The following SLCO6A1 variants were observed in gnomAD, a reference collection of about 807,000 sequenced individuals.
The protein encoded by SLCO6A1 is cancer/testis antigen 48.
Under a neutral mutation model 72.7 loss-of-function variants are expected in SLCO6A1, and 65 were observed. The observed-to-expected ratio is 0.89, with a 90% CI of 0.73 to 1.10. SLCO6A1 has a LOEUF of 1.10. Among genes scored for constraint, SLCO6A1 ranks in the 50% least tolerant of loss-of-function variants. The pLI is 0.00. For synonymous variants in SLCO6A1, 314 were observed against 298.2 expected (o/e 1.05, Z -0.55); for missense variants, 874 against 872.6 (o/e 1.00, Z -0.02).
chr5:102,374,731 T>C (rs1745685443), intron 12 of SLCO6A1, among the ~76,000 whole-genome samples: 1 of 152,152 alleles, frequency 6.6e-6, no homozygotes, highest in African/African-American at 2.4e-5. Flanking sequence ...CATTAAACAA[T>C]TGTAACATAG....
In SLCO6A1 at chr5:102,443,128, C is replaced by T. The variant is rs142703214; in HGVS notation, c.1132-4367G>A. On this transcript the variant is annotated intron_variant, in intron 6 of 13. Transcript: ENST00000506729. ...AGGAGAATGGCGTGAACCTGGAAGGCGGAGCTTGCAATGAGCTGAGATGGC... is the reference window on the plus strand; with the variant it reads ...AGGAGAATGGCGTGAACCTGGAAGGTGGAGCTTGCAATGAGCTGAGATGGC... 5.5e-3 allele frequency among the ~76,000 whole-genome samples: 835 copies of T among 152,100 alleles called. 3 individuals are homozygous for T. Among genetic ancestry groups the T allele is most frequent in the African/African-American group, 0.019 (800 of 41,498 alleles).
chr5:102,475,791 T>C lies in SLCO6A1; in HGVS notation c.805A>G (p.Ile269Val). 6.3e-7 allele frequency: 1 copy of C among 1,599,304 alleles called. No individual in the cohort carries two copies. The highest frequency in any genetic ancestry group is 8.5e-7 in the Non-Finnish European group (1 of 1,172,418). ...CCAATCATTGATGTACATTCTGCAA[T>C]ACCTGTAAAATAAGCACTGAAACTG... is the stretch of plus-strand genomic sequence containing the variant. Reference protein sequence around the residue: ...ATHSAGIYLGIAECTSMIGYA... With the variant: ...ATHSAGIYLGVAECTSMIGYA... Residue 269 changes from isoleucine (I) to valine (V), a missense_variant and splice_region_variant, in exon 4 of 14, where the codon ATT becomes GTT. Ile to Val is a conservative substitution (Grantham distance 29). Transcript: ENST00000506729.
intron 8 of SLCO6A1, among the ~76,000 whole-genome samples, chr5:102,415,457 G>A (rs1748230209): frequency 6.6e-6 from 1 of 152,058 alleles, no homozygotes; most frequent in Non-Finnish European, 1.5e-5. Context: ...TACATTTAGA[G>A]AAAGGACACC....
intron 6 of SLCO6A1, among the ~76,000 whole-genome samples, chr5:102,442,265 T>C (rs1749874455): frequency 6.6e-6 from 1 of 152,194 alleles, no homozygotes; most frequent in Admixed American, 6.5e-5. Flanking sequence ...CTTATTCTTA[T>C]GCTCTTAGCC....
intron 9 of SLCO6A1, among the ~76,000 whole-genome samples, chr5:102,399,944 C>CTG (rs34032591): frequency 0.015 from 2,298 of 149,948 alleles, 18 homozygotes; most frequent in African/African-American, 0.021. Flanking sequence ...GGCAAAAAAT[C>CTG]TGTGTGTGTG....
chr5:102,390,086 C>T (rs188122357), intron 11 of SLCO6A1, among the ~76,000 whole-genome samples: 1 of 152,174 alleles, frequency 6.6e-6, no homozygotes, highest in Admixed American at 6.5e-5. Flanking sequence ...CTATCATATG[C>T]TTAAAATTAT....
chr5:102,474,381 A>T (rs1224537770), intron 4 of SLCO6A1, among the ~76,000 whole-genome samples: 1 of 152,042 alleles, frequency 6.6e-6, no homozygotes, highest in African/African-American at 2.4e-5. Flanking sequence ...CATGCAAAAG[A>T]ATGAAGTTGG....
chr5:102,409,577 C>A (rs1223942515), intron 9 of SLCO6A1, among the ~76,000 whole-genome samples: 1 of 152,070 alleles, frequency 6.6e-6, no homozygotes, highest in East Asian at 1.9e-4. Context: ...TTACTAAAAG[C>A]TTCTACTTGG....
chr5:102,453,152 C>T (rs2112732488), intron 6 of SLCO6A1, among the ~76,000 whole-genome samples: 1 of 151,990 alleles, frequency 6.6e-6, no homozygotes, highest in African/African-American at 2.4e-5. Flanking sequence ...CTCACATAAG[C>T]CCAGTTCAAG....
chr5:102,409,461 T>C (rs1432070716), intron 9 of SLCO6A1, among the ~76,000 whole-genome samples: 1 of 151,720 alleles, frequency 6.6e-6, no homozygotes, highest in South Asian at 2.1e-4. Flanking sequence ...ATAGTGTATC[T>C]TATTTTAATT....
At chr5:102,469,663 CT>C (rs1474119300) in intron 4 of SLCO6A1, among the ~76,000 whole-genome samples, 3 of 152,056 alleles carry the variant, frequency 2.0e-5, no homozygotes, top group Non-Finnish European at 2.9e-5. Context: ...TTTCTCTTGC[CT>C]GATTGCCCTG....
chr5:102,398,210 A>C, intron 10 of SLCO6A1, among the ~76,000 whole-genome samples: 1 of 151,676 alleles, frequency 6.6e-6, no homozygotes, highest in East Asian at 1.9e-4. Flanking sequence ...TCAGAGTCTC[A>C]CTCTGGCACA....
At chr5:102,467,399 G>A in intron 4 of SLCO6A1, among the ~76,000 whole-genome samples, 1 of 151,894 alleles carries the variant, frequency 6.6e-6, no homozygotes, top group East Asian at 1.9e-4. Context: ...GTGACAGAGT[G>A]AGAATCTCTT....
intron 12 of SLCO6A1, among the ~76,000 whole-genome samples, chr5:102,383,567 C>T (rs539034656): frequency 2.0e-5 from 3 of 151,648 alleles, no homozygotes; most frequent in Admixed American, 1.3e-4. Context: ...ATATATGATC[C>T]TTTTAAATGT....
At chr5:102,448,804 G>C (rs1172695267) in intron 6 of SLCO6A1, among the ~76,000 whole-genome samples, 1 of 152,084 alleles carries the variant, frequency 6.6e-6, no homozygotes, top group East Asian at 1.9e-4. Context: ...CATACAGTTA[G>C]GTCTTGCTTT....
intron 12 of SLCO6A1, among the ~76,000 whole-genome samples, chr5:102,385,058 C>CT (rs1006715475): frequency 1.4e-4 from 22 of 151,902 alleles, no homozygotes; most frequent in African/African-American, 5.3e-4. Flanking sequence ...AGTCTTTTTT[C>CT]TTTTTTCTGA....
intron 10 of SLCO6A1, among the ~76,000 whole-genome samples, chr5:102,391,526 G>A (rs1452063): frequency 0.071 from 10,839 of 152,110 alleles, 447 homozygotes; most frequent in African/African-American, 0.1. Context: ...CTGAATGAGT[G>A]AGGAAAGTGA....
At chr5:102,468,128 T>G (rs748727470) in intron 4 of SLCO6A1, among the ~76,000 whole-genome samples, 2 of 152,116 alleles carry the variant, frequency 1.3e-5, no homozygotes, top group African/African-American at 2.4e-5. Flanking sequence ...AATTTCCATG[T>G]ATTTGCATGG....
chr5:102,434,330 G>C (rs775402785), intron 7 of SLCO6A1, among the ~76,000 whole-genome samples: 8 of 152,124 alleles, frequency 5.3e-5, no homozygotes, highest in Non-Finnish European at 1.0e-4. Context: ...TGGAGCCAAA[G>C]ACAAGCATAA....
Sources: gnomAD v4.1 joint callset for allele counts (sites outside exome capture counted in the v4.1 genomes callset) on GRCh38, gnomAD v4.1.1 for gene constraint, MANE v1.5 for transcripts, NCBI Gene and HGNC (gene_info 2026-07-23, HGNC 2026-07-21) for gene names.